Variants in STXBP5L observed in about 807,000 individuals in gnomAD.
The protein encoded by STXBP5L is syntaxin-binding protein 5-like.
A neutral mutation model predicts 144.5 loss-of-function variants in STXBP5L; 65 were observed. That is an observed-to-expected ratio of 0.45 (90% CI 0.37 to 0.55). STXBP5L has a LOEUF of 0.55. STXBP5L is among the 20% of genes least tolerant of loss of function. The pLI is 0.00. For missense variants in STXBP5L, 1,298 were observed against 1,405.5 expected, an observed-to-expected ratio of 0.92 and a Z score of 1.22; for synonymous variants, 505 against 469.6, an observed-to-expected ratio of 1.08 and a Z score of -0.97.
intron 18 of STXBP5L, among the ~76,000 whole-genome samples, chr3:121,279,043 C>T (rs894987017): frequency 6.6e-6 from 1 of 151,658 alleles, no homozygotes; most frequent in Non-Finnish European, 1.5e-5. Context: ...AAACAACATT[C>T]ATATAACTAA....
chr3:121,400,259 G>A (rs1576357074), intron 22 of STXBP5L, among the ~76,000 whole-genome samples: 1 of 152,216 alleles, frequency 6.6e-6, no homozygotes, highest in Non-Finnish European at 1.5e-5. Context: ...TTTGTTGGGA[G>A]AGAGGCATTC....
intron 19 of STXBP5L, among the ~76,000 whole-genome samples, chr3:121,298,217 G>A (rs1256158730): frequency 6.6e-6 from 1 of 152,088 alleles, no homozygotes; most frequent in Non-Finnish European, 1.5e-5. Flanking sequence ...ATATCTCATG[G>A]TAGTTTCAAT....
intron 3 of STXBP5L, among the ~76,000 whole-genome samples, chr3:120,985,657 G>C (rs907471744): frequency 6.6e-6 from 1 of 151,784 alleles, no homozygotes; most frequent in South Asian, 2.1e-4. Flanking sequence ...GGTAGATTTT[G>C]TGTTTCTAGG....
intron 9 of STXBP5L, 49 bp from the exon 10 acceptor site, chr3:121,205,874 A>G: frequency 1.0e-6 from 1 of 990,506 alleles, no homozygotes; most frequent in Non-Finnish European, 1.4e-6. Flanking sequence ...TAATTCTTAC[A>G]GATGAATATA....
intron 5 of STXBP5L, among the ~76,000 whole-genome samples, chr3:121,050,144 T>A (rs1373738814): frequency 5.9e-5 from 9 of 152,184 alleles, no homozygotes; most frequent in Non-Finnish European, 1.2e-4. Flanking sequence ...ATGTTCTGGT[T>A]GAAGAGCTAG....
At chr3:121,243,182 C>T (rs147141824) in intron 14 of STXBP5L, among the ~76,000 whole-genome samples, 3 of 152,280 alleles carry the variant, frequency 2.0e-5, no homozygotes, top group African/African-American at 7.2e-5. Flanking sequence ...GTTTCTGTGT[C>T]ATCTGATAGA....
chr3:121,000,824 T>C (rs781702454), intron 3 of STXBP5L, among the ~76,000 whole-genome samples: 1 of 152,180 alleles, frequency 6.6e-6, no homozygotes, highest in Admixed American at 6.5e-5. Flanking sequence ...AATGTTCGAC[T>C]GTGGTATAAG....
At chr3:121,170,230 A>C (rs1261655959) in intron 9 of STXBP5L, among the ~76,000 whole-genome samples, 1 of 152,246 alleles carries the variant, frequency 6.6e-6, no homozygotes, top group Admixed American at 6.5e-5. Context: ...CTAAATGCCC[A>C]CAGGAGAAAG....
intron 5 of STXBP5L, among the ~76,000 whole-genome samples, chr3:121,108,749 C>A (rs1177191834): frequency 6.6e-6 from 1 of 152,102 alleles, no homozygotes; most frequent in African/African-American, 2.4e-5. Context: ...TGCACTAGTC[C>A]TTCCTTTTAA....
chr3:121,313,885 C>G (rs1019785952), intron 19 of STXBP5L, among the ~76,000 whole-genome samples: 1 of 142,042 alleles, frequency 7.0e-6, no homozygotes, highest in African/African-American at 2.7e-5. Context: ...TCAGACGGAG[C>G]GGCCGGGCAG....
chr3:121,053,395 T>C (rs1484776062), intron 5 of STXBP5L, among the ~76,000 whole-genome samples: 1 of 152,124 alleles, frequency 6.6e-6, no homozygotes, highest in African/African-American at 2.4e-5. Context: ...AAAACAGAGA[T>C]ATAGATCAAT....
Position 121,276,564 on chromosome 3 carries a change from G to A in STXBP5L, c.1959-3241G>A, listed in dbSNP as rs1181435065. ...TGAGTGATGAATTCCTTCAGCTTTT[G>A]TTTTTTTGCAAAAATTCTTTTCCAC... On this transcript the variant is annotated intron_variant, in intron 18 of 26. Coordinates refer to ENST00000471454, the MANE Select transcript of STXBP5L (RefSeq NM_001308330.2). Among the ~76,000 whole-genome samples, 2 of 151,214 alleles carry A rather than the reference G, an allele frequency of 1.3e-5. 1 individual carries two copies. Among genetic ancestry groups the A allele is most frequent in the Middle Eastern group, 6.3e-3 (2 of 316 alleles).
chr3:121,278,158 T>C (rs2050942813), intron 18 of STXBP5L, among the ~76,000 whole-genome samples: 1 of 152,020 alleles, frequency 6.6e-6, no homozygotes, highest in East Asian at 1.9e-4. Flanking sequence ...TGCCCAAGCC[T>C]GGGAACTATC....
intron 5 of STXBP5L, among the ~76,000 whole-genome samples, chr3:121,085,889 A>C (rs2042466625): frequency 6.6e-6 from 1 of 152,164 alleles, no homozygotes; most frequent in African/African-American, 2.4e-5. Flanking sequence ...AAAAAGAACA[A>C]AGCTGGAGGC....
intron 20 of STXBP5L, among the ~76,000 whole-genome samples, chr3:121,350,874 A>C (rs1007312742): frequency 6.6e-6 from 1 of 151,992 alleles, no homozygotes; most frequent in Non-Finnish European, 1.5e-5. Flanking sequence ...TCTTTTTTCA[A>C]GGTTTTTAAC....
intron 19 of STXBP5L, among the ~76,000 whole-genome samples, chr3:121,306,541 A>G (rs1034697349): frequency 6.6e-6 from 1 of 152,184 alleles, no homozygotes; most frequent in Non-Finnish European, 1.5e-5. Flanking sequence ...GGTTTTGCCC[A>G]GGAAAGAAAT....
intron 2 of STXBP5L, among the ~76,000 whole-genome samples, chr3:120,952,545 C>A (rs1044515916): frequency 1.3e-5 from 2 of 151,764 alleles, no homozygotes; most frequent in African/African-American, 4.8e-5. Context: ...CTCATAAAAG[C>A]CTTTATTATA....
chr3:121,015,748 G>T (rs569068569), intron 3 of STXBP5L, among the ~76,000 whole-genome samples: 13 of 152,068 alleles, frequency 8.5e-5, no homozygotes, highest in African/African-American at 2.2e-4. Context: ...TGGAAAAAAG[G>T]CTTTACTAGA....
intron 9 of STXBP5L, among the ~76,000 whole-genome samples, chr3:121,192,546 G>A (rs1054883346): frequency 2.8e-4 from 43 of 152,308 alleles, no homozygotes; most frequent in African/African-American, 1.0e-3. Flanking sequence ...AAAGCTGGAG[G>A]CATCATGGTA....
Sources: gnomAD v4.1 joint callset for allele counts (sites outside exome capture counted in the v4.1 genomes callset) on GRCh38, gnomAD v4.1.1 for gene constraint, MANE v1.5 for transcripts, NCBI Gene and HGNC (gene_info 2026-07-23, HGNC 2026-07-21) for gene names.